MALRD1: variants seen among roughly 807,000 people sequenced by gnomAD.
MALRD1 encodes the protein MAM and LDL receptor class A domain containing 1, also known as MAM and LDL-receptor class A domain-containing protein 1.
Under a neutral mutation model 242.1 loss-of-function variants are expected in MALRD1, and 247 were observed. That is an observed-to-expected ratio of 1.02 (90% confidence interval 0.92 to 1.13). The LOEUF is 1.13. MALRD1 is among the 50% of genes most tolerant of loss of function. MALRD1 has a pLI of 0.00. For missense variants in MALRD1, 2,989 were observed against 2,533.1 expected, an observed-to-expected ratio of 1.18 and a Z score of -3.86; for synonymous variants, 995 against 866.6, an observed-to-expected ratio of 1.15 and a Z score of -2.60.
In MALRD1 at chr10:19,591,020, C is replaced by T. The variant is rs187477884; in HGVS notation, c.5681-4174C>T. 1.9e-4 allele frequency among the ~76,000 whole-genome samples: 29 copies of T among 152,210 alleles called. No homozygotes were observed. In the East Asian group the frequency reaches 1.9e-3, roughly 10 times the overall value. On this transcript the variant is annotated intron_variant, in intron 33 of 39. Transcript: ENST00000454679. ...ATATGACACATACAGTTAGTTTCAC[C>T]GCCCTAAAAATCTCCTGTGCTCTAC...
chr10:19,074,397 A>G (rs1835253886), intron 2 of MALRD1, among the ~76,000 whole-genome samples: 1 of 152,056 alleles, frequency 6.6e-6, no homozygotes, highest in African/African-American at 2.4e-5. Context: ...TTCATTGTTA[A>G]GCTAATAATG....
chr10:19,216,809 G>A (rs1463671041), intron 18 of MALRD1, among the ~76,000 whole-genome samples: 2 of 152,048 alleles, frequency 1.3e-5, no homozygotes, highest in Non-Finnish European at 2.9e-5. Context: ...AGCTGGGCGT[G>A]GTGGTGCGTG....
At chr10:19,463,553 A>AGTGTGTGTGTGTGTGTGT (rs142025703) in intron 29 of MALRD1, among the ~76,000 whole-genome samples, 1 of 150,030 alleles carries the variant, frequency 6.7e-6, no homozygotes, top group African/African-American at 2.5e-5. Flanking sequence ...GTGGCTGAGT[A>AGTGTGTGTGTGTGTGTGT]GTGTGTGTGT....
chr10:19,567,128 A>G (rs1016430593), intron 32 of MALRD1, among the ~76,000 whole-genome samples: 4 of 152,220 alleles, frequency 2.6e-5, no homozygotes, highest in African/African-American at 9.6e-5. Flanking sequence ...ATATTCATGT[A>G]TCATGAGGGT....
At chr10:19,299,282 C>A (rs995940121) in intron 21 of MALRD1, among the ~76,000 whole-genome samples, 1 of 151,886 alleles carries the variant, frequency 6.6e-6, no homozygotes, top group Non-Finnish European at 1.5e-5. Flanking sequence ...GGGAATTCTG[C>A]TTCTCCATAA....
At chr10:19,664,610 G>A (rs1051348142) in intron 36 of MALRD1, among the ~76,000 whole-genome samples, 5 of 151,916 alleles carry the variant, frequency 3.3e-5, no homozygotes, top group East Asian at 1.9e-4. Context: ...GGAGCCCCAC[G>A]TCTAAGGAAG....
chr10:19,270,270 G>A (rs969701574), intron 19 of MALRD1, among the ~76,000 whole-genome samples: 7 of 151,580 alleles, frequency 4.6e-5, no homozygotes, highest in African/African-American at 2.4e-5. Flanking sequence ...ATTTGAGATC[G>A]CGCCACTGCA....
At chr10:19,515,828 A>G (rs1192743337) in intron 31 of MALRD1, among the ~76,000 whole-genome samples, 1 of 152,096 alleles carries the variant, frequency 6.6e-6, no homozygotes, top group Non-Finnish European at 1.5e-5. Context: ...TTGGCCTCCC[A>G]AAGAGCTCGG....
intron 5 of MALRD1, among the ~76,000 whole-genome samples, chr10:19,114,060 T>C (rs1188612740): frequency 1.3e-5 from 2 of 152,220 alleles, no homozygotes; most frequent in East Asian, 1.9e-4. Flanking sequence ...ATACATATGC[T>C]CTATTCCATA....
intron 28 of MALRD1, among the ~76,000 whole-genome samples, chr10:19,409,020 C>T (rs1278371976): frequency 2.0e-5 from 3 of 152,226 alleles, no homozygotes; most frequent in Non-Finnish European, 2.9e-5. Context: ...ATTCTGTTAA[C>T]TGTACTAGCC....
intron 30 of MALRD1, chr10:19,493,087 T>C (rs946055226): frequency 2.0e-5 from 3 of 152,170 alleles, no homozygotes; most frequent in African/African-American, 4.8e-5. Flanking sequence ...GTGCAACCAC[T>C]GCCACCATCC....
chr10:19,413,186 T>C (rs1833353701), intron 28 of MALRD1, among the ~76,000 whole-genome samples: 1 of 152,162 alleles, frequency 6.6e-6, no homozygotes, highest in Admixed American at 6.5e-5. Flanking sequence ...GACTCAAAGA[T>C]TTTCAGTCTC....
chr10:19,657,812 A>G (rs570695220), intron 36 of MALRD1, among the ~76,000 whole-genome samples: 3 of 152,300 alleles, frequency 2.0e-5, no homozygotes, highest in East Asian at 1.9e-4. Context: ...GAATCAAACA[A>G]TATAGATTAT....
intron 38 of MALRD1, among the ~76,000 whole-genome samples, chr10:19,718,042 G>C (rs1054388395): frequency 1.7e-5 from 2 of 118,686 alleles, no homozygotes; most frequent in African/African-American, 8.8e-5. Flanking sequence ...AGAGGAAGAA[G>C]AAGAGGAAGA....
At chr10:19,616,332 TAAATA>T (rs1839155444) in intron 36 of MALRD1, among the ~76,000 whole-genome samples, 1 of 152,038 alleles carries the variant, frequency 6.6e-6, no homozygotes, top group Non-Finnish European at 1.5e-5. Flanking sequence ...AATTAATTTA[TAAATA>T]AAATCATTTG....
intron 18 of MALRD1, among the ~76,000 whole-genome samples, chr10:19,224,375 C>G (rs762977126): frequency 1.3e-5 from 2 of 151,658 alleles, no homozygotes; most frequent in African/African-American, 2.4e-5. Flanking sequence ...CAACCTCCAC[C>G]TAATGGGTTC....
chr10:19,418,678 T>C (rs944862080), intron 28 of MALRD1, among the ~76,000 whole-genome samples: 25 of 152,196 alleles, frequency 1.6e-4, no homozygotes, highest in Non-Finnish European at 2.5e-4. Context: ...AAATGTGATA[T>C]GAAAGCTTAT....
intron 36 of MALRD1, among the ~76,000 whole-genome samples, chr10:19,623,096 CT>C (rs1242323379): frequency 4.0e-5 from 6 of 151,714 alleles, no homozygotes; most frequent in Non-Finnish European, 8.8e-5. Context: ...TAGGAAAAAG[CT>C]TTTTTTCAAT....
intron 5 of MALRD1, among the ~76,000 whole-genome samples, chr10:19,118,615 CTG>C (rs893034991): frequency 1.3e-5 from 2 of 152,154 alleles, no homozygotes; most frequent in Non-Finnish European, 1.5e-5. Context: ...AGAAAATAGA[CTG>C]TAGATGTTTC....
Sources: allele counts gnomAD v4.1 joint callset (sites outside exome capture counted in the v4.1 genomes callset), GRCh38; gene constraint gnomAD v4.1.1; transcripts MANE v1.5; gene names NCBI Gene and HGNC (gene_info 2026-07-23, HGNC 2026-07-21).